The following MYO3B variants were observed in gnomAD, a reference collection of about 807,000 sequenced individuals.
MYO3B encodes the protein myosin-IIIb.
MYO3B carries 156 observed loss-of-function variants against 174.6 expected under a neutral mutation model. The observed-to-expected ratio is 0.89, with a 90% CI of 0.78 to 1.02. MYO3B has a LOEUF of 1.02. Ranked by LOEUF, MYO3B falls within the 50% of genes least tolerant of loss-of-function variation. The pLI is 0.00. For missense variants in MYO3B, 1,632 were observed against 1,639.4 expected (o/e 1.00, Z 0.08); for synonymous variants, 563 against 569.1 (o/e 0.99, Z 0.15).
At chr2:170,485,290 GC>G (rs1685965107) in intron 25 of MYO3B, among the ~76,000 whole-genome samples, 1 of 151,670 alleles carries the variant, frequency 6.6e-6, no homozygotes, top group South Asian at 2.1e-4. Context: ...CACATATAAA[GC>G]TAAAATTTCT....
chr2:170,409,442 A>G (rs2094531890), intron 22 of MYO3B, among the ~76,000 whole-genome samples: 1 of 152,224 alleles, frequency 6.6e-6, no homozygotes, highest in African/African-American at 2.4e-5. Context: ...ATAAGACTAG[A>G]CACAAACGTG....
intron 23 of MYO3B, among the ~76,000 whole-genome samples, chr2:170,459,534 T>C (rs1485976909): frequency 2.6e-5 from 4 of 152,154 alleles, no homozygotes; most frequent in Non-Finnish European, 4.4e-5. Context: ...ATAGAAGTTC[T>C]CCAAGTCCCC....
chr2:170,457,160 T>C (rs778296828), intron 23 of MYO3B, among the ~76,000 whole-genome samples: 3 of 152,228 alleles, frequency 2.0e-5, no homozygotes, highest in Non-Finnish European at 4.4e-5. Context: ...TCAGTGAGTG[T>C]GTGGCGAGTG....
chr2:170,233,526 A>G (rs2093035766), intron 6 of MYO3B, among the ~76,000 whole-genome samples: 1 of 152,230 alleles, frequency 6.6e-6, no homozygotes, highest in African/African-American at 2.4e-5. Context: ...GGGTGAGGAA[A>G]GGGAGGTCTT....
At chr2:170,553,013 T>G (rs1691031435) in intron 32 of MYO3B, among the ~76,000 whole-genome samples, 1 of 151,888 alleles carries the variant, frequency 6.6e-6, no homozygotes. Context: ...AAAACAAGAG[T>G]TGAGACTTAG....
chr2:170,623,227 AG>A (rs2105342252), intron 32 of MYO3B, among the ~76,000 whole-genome samples: 2 of 152,282 alleles, frequency 1.3e-5, no homozygotes, highest in Non-Finnish European at 2.9e-5. Context: ...CATCCTCTCC[AG>A]CACCTGTTGT....
At chr2:170,525,584 C>G (rs1337515196) in intron 30 of MYO3B, among the ~76,000 whole-genome samples, 1 of 152,194 alleles carries the variant, frequency 6.6e-6, no homozygotes, top group Non-Finnish European at 1.5e-5. Flanking sequence ...CCCAGTGAAG[C>G]TGCTTCGTTA....
chr2:170,292,826 C>T (rs554954957), intron 7 of MYO3B, among the ~76,000 whole-genome samples: 26 of 152,232 alleles, frequency 1.7e-4, no homozygotes, highest in African/African-American at 5.8e-4. Flanking sequence ...AGTTACAGTA[C>T]AGTTTCCAGG....
At chr2:170,348,589 A>T (rs973717187) in intron 8 of MYO3B, 1 of 151,882 alleles carries the variant, frequency 6.6e-6, no homozygotes, top group African/African-American at 2.4e-5. Context: ...TACCTTTTTC[A>T]CCTGGATATA....
At chr2:170,446,173 G>A (rs776774561) in intron 23 of MYO3B, among the ~76,000 whole-genome samples, 6 of 152,168 alleles carry the variant, frequency 3.9e-5, no homozygotes, top group Non-Finnish European at 7.3e-5. Flanking sequence ...TATTGACTTT[G>A]GGTTACAAAT....
At chr2:170,608,629 G>C (rs535086419) in intron 32 of MYO3B, among the ~76,000 whole-genome samples, 1 of 151,820 alleles carries the variant, frequency 6.6e-6, no homozygotes, top group East Asian at 1.9e-4. Flanking sequence ...AACTTTGCTC[G>C]TGGTCCCAGT....
chr2:170,299,158 A>T (rs1409753426), intron 7 of MYO3B, among the ~76,000 whole-genome samples: 1 of 152,122 alleles, frequency 6.6e-6, no homozygotes, highest in East Asian at 1.9e-4. Flanking sequence ...ACTATTTTTC[A>T]TTTATCTATT....
intron 32 of MYO3B, among the ~76,000 whole-genome samples, chr2:170,618,179 C>A (rs1695587750): frequency 6.6e-6 from 1 of 152,118 alleles, no homozygotes; most frequent in African/African-American, 2.4e-5. Flanking sequence ...TTGTGCAGGA[C>A]AACGATCATC....
chr2:170,390,743 ACT>A (rs2094406044), intron 14 of MYO3B, among the ~76,000 whole-genome samples: 1 of 152,176 alleles, frequency 6.6e-6, no homozygotes, highest in African/African-American at 2.4e-5. Flanking sequence ...TGCTTTTCAA[ACT>A]CTGTGCTAAG....
At chr2:170,569,650 TC>T (rs1692306092) in intron 32 of MYO3B, among the ~76,000 whole-genome samples, 1 of 151,254 alleles carries the variant, frequency 6.6e-6, no homozygotes, top group African/African-American at 2.4e-5. Context: ...TCACTTGAGG[TC>T]AGGAGTTCAA....
intron 30 of MYO3B, among the ~76,000 whole-genome samples, chr2:170,524,129 T>C (rs1185958689): frequency 6.6e-6 from 1 of 152,202 alleles, no homozygotes; most frequent in Non-Finnish European, 1.5e-5. Context: ...ATCATTCAGA[T>C]TGATTGTTAG....
At chr2:170,327,718 T>G (rs1243873505) in intron 7 of MYO3B, among the ~76,000 whole-genome samples, 1 of 152,086 alleles carries the variant, frequency 6.6e-6, no homozygotes, top group Non-Finnish European at 1.5e-5. Context: ...CCTGGACGAA[T>G]CTTTCACATT....
At chr2:170,471,117 C>G (rs1032999454) in intron 25 of MYO3B, among the ~76,000 whole-genome samples, 1 of 151,828 alleles carries the variant, frequency 6.6e-6, no homozygotes, top group Admixed American at 6.6e-5. Context: ...CTGGCACAGT[C>G]TTGGCTCACT....
At chr2:170,190,356 C>T (rs190283465) in intron 1 of MYO3B, among the ~76,000 whole-genome samples, 3 of 152,284 alleles carry the variant, frequency 2.0e-5, no homozygotes, top group Admixed American at 1.3e-4. Context: ...TGCCTGGCTA[C>T]TGCCTACATT....
Sources: allele counts gnomAD v4.1 joint callset (sites outside exome capture counted in the v4.1 genomes callset), GRCh38; gene constraint gnomAD v4.1.1; transcripts MANE v1.5; gene names NCBI Gene and HGNC (gene_info 2026-07-23, HGNC 2026-07-21).